Variants in ASTN2 observed in about 807,000 individuals in gnomAD.
The protein encoded by ASTN2 is astrotactin-2.
Under a neutral mutation model 139.8 loss-of-function variants are expected in ASTN2, and 54 were observed. The ratio of observed to expected loss-of-function variants is 0.39; its 90% CI spans 0.31 to 0.48. The LOEUF is 0.48. ASTN2 is among the 20% of genes least tolerant of loss of function. The probability of loss-of-function intolerance (pLI) is 0.95; values close to 1 mark genes in which losing one functional copy is unlikely to be tolerated. For missense variants in ASTN2, 1,565 were observed against 1,725.1 expected (o/e 0.91, Z 1.64); for synonymous variants, 756 against 719.5 (o/e 1.05, Z -0.81).
At position 116,756,251 on chromosome 9, in the gene ASTN2, C is replaced by T. The variant is rs199530543; in HGVS notation, c.2397-22728G>A. The stretch of plus-strand genomic sequence containing the variant: ...ATTTAAGCTACATTTCTAGGAACTC[C>T]GCAGAGAACAAGCTCTAGGGGCTCA... On this transcript the variant is annotated intron_variant, in intron 13 of 22. Transcript: ENST00000313400. 1.5e-4 allele frequency among the ~76,000 whole-genome samples: 23 copies of T among 152,222 alleles called. No individual in the cohort carries two copies. The East Asian group carries it at 2.9e-3, about 19-fold the overall frequency.
intron 10 of ASTN2, among the ~76,000 whole-genome samples, chr9:116,897,124 A>C (rs1188775415): frequency 1.3e-5 from 2 of 152,150 alleles, no homozygotes; most frequent in East Asian, 1.9e-4. Context: ...ACCTGCTCCC[A>C]AAAAAATAAC....
chr9:117,009,881 A>G (rs756370657), intron 6 of ASTN2, among the ~76,000 whole-genome samples: 1 of 152,128 alleles, frequency 6.6e-6, no homozygotes, highest in Non-Finnish European at 1.5e-5. Context: ...GGGAGGTGGG[A>G]TCACATCAGA....
chr9:116,567,142 C>T (rs1423070692), intron 19 of ASTN2, among the ~76,000 whole-genome samples: 4 of 152,214 alleles, frequency 2.6e-5, no homozygotes, highest in African/African-American at 9.6e-5. Flanking sequence ...CAACTTGGCT[C>T]TCTGTGGGAA....
chr9:116,477,379 C>T (rs1251142994), intron 20 of ASTN2, among the ~76,000 whole-genome samples: 1 of 152,022 alleles, frequency 6.6e-6, no homozygotes, highest in Non-Finnish European at 1.5e-5. Flanking sequence ...TTGCCCCCAT[C>T]CCCTAACCAA....
At chr9:116,477,481 T>C (rs1253496247) in intron 20 of ASTN2, among the ~76,000 whole-genome samples, 1 of 152,044 alleles carries the variant, frequency 6.6e-6, no homozygotes, top group Non-Finnish European at 1.5e-5. Flanking sequence ...TCCGAGACCC[T>C]TGGCCACACC....
intron 19 of ASTN2, among the ~76,000 whole-genome samples, chr9:116,544,606 T>C (rs1455413777): frequency 6.6e-6 from 1 of 152,190 alleles, no homozygotes; most frequent in Non-Finnish European, 1.5e-5. Context: ...CATATTTTTA[T>C]TCATGAGTTA....
intron 1 of ASTN2, among the ~76,000 whole-genome samples, chr9:117,312,986 C>T (rs930357556): frequency 1.3e-5 from 2 of 152,222 alleles, no homozygotes; most frequent in South Asian, 2.1e-4. Context: ...GTCTTGTTGA[C>T]ACCCATTTGT....
intron 13 of ASTN2, among the ~76,000 whole-genome samples, chr9:116,742,029 C>T (rs1829108707): frequency 6.6e-6 from 1 of 152,184 alleles, no homozygotes; most frequent in Admixed American, 6.5e-5. Context: ...TCTCTGTCCT[C>T]CAGTTACTCA....
At chr9:116,838,594 T>G (rs1216479321) in intron 11 of ASTN2, among the ~76,000 whole-genome samples, 1 of 149,954 alleles carries the variant, frequency 6.7e-6, no homozygotes, top group Non-Finnish European at 1.5e-5. Flanking sequence ...CAGCAATTTT[T>G]TTTTTTTTTT....
In ASTN2 at chr9:116,425,826, T is replaced by C. The variant is rs767975387; in HGVS notation, c.*25A>G. On this transcript the variant is annotated 3_prime_UTR_variant, in exon 23 of 23. Transcript: ENST00000313400. ...CTCCCCCTCCCATGGAGAGTCTCTG[T>C]GCTCACGGAGGGCAATACCCTCCCT... 1.2e-6 allele frequency: 2 copies of C among 1,613,948 alleles called. No homozygotes were observed. The highest frequency in any genetic ancestry group is 1.7e-6 in the Non-Finnish European group (2 of 1,179,930).
chr9:117,023,346 T>A (rs1172072201), intron 6 of ASTN2, among the ~76,000 whole-genome samples: 1 of 152,130 alleles, frequency 6.6e-6, no homozygotes, highest in Non-Finnish European at 1.5e-5. Flanking sequence ...GTCACCCAAA[T>A]GGTTTTGACT....
chr9:116,890,036 G>A (rs921261158), intron 10 of ASTN2, among the ~76,000 whole-genome samples: 1 of 152,218 alleles, frequency 6.6e-6, no homozygotes, highest in Non-Finnish European at 1.5e-5. Flanking sequence ...TAATGCTAAA[G>A]CTCATTTCAA....
intron 7 of ASTN2, among the ~76,000 whole-genome samples, chr9:116,997,739 T>C (rs184836031): frequency 1.3e-5 from 2 of 152,178 alleles, no homozygotes; most frequent in Non-Finnish European, 2.9e-5. Flanking sequence ...CAAAAATAAC[T>C]ACCTAGAAGT....
chr9:117,258,709 A>G (rs1833750769), intron 2 of ASTN2, among the ~76,000 whole-genome samples: 1 of 152,138 alleles, frequency 6.6e-6, no homozygotes, highest in Non-Finnish European at 1.5e-5. Context: ...CCACAGCCAC[A>G]ACAAACCACT....
chr9:117,181,262 C>A (rs533843701), intron 3 of ASTN2: 1 of 496,858 alleles, frequency 2.0e-6, no homozygotes, highest in South Asian at 2.5e-5. Flanking sequence ...GCTCACATAA[C>A]TATTTCAGAG....
chr9:117,096,298 G>A (rs1828839511), intron 4 of ASTN2, 147 bp from the exon 5 acceptor site: 2 of 652,710 alleles, frequency 3.1e-6, no homozygotes, highest in Non-Finnish European at 5.4e-6. Flanking sequence ...ATAAATGGAA[G>A]GAGTTCATGC....
At chr9:116,868,147 T>A (rs1833066306) in intron 10 of ASTN2, among the ~76,000 whole-genome samples, 1 of 152,150 alleles carries the variant, frequency 6.6e-6, no homozygotes, top group Non-Finnish European at 1.5e-5. Flanking sequence ...ACTACCAACA[T>A]CCTCTTCATT....
intron 3 of ASTN2, among the ~76,000 whole-genome samples, chr9:117,174,463 C>T (rs965331600): frequency 1.3e-5 from 2 of 151,906 alleles, no homozygotes; most frequent in African/African-American, 4.8e-5. Context: ...TAGACTTAAG[C>T]ATAAATTCTA....
intron 3 of ASTN2, among the ~76,000 whole-genome samples, chr9:117,206,728 C>T (rs1336412245): frequency 6.6e-6 from 1 of 152,158 alleles, no homozygotes; most frequent in Non-Finnish European, 1.5e-5. Context: ...GCCAGAGAAA[C>T]AGTATAACGG....
Sources: gnomAD v4.1 joint callset for allele counts (sites outside exome capture counted in the v4.1 genomes callset) on GRCh38, gnomAD v4.1.1 for gene constraint, MANE v1.5 for transcripts, NCBI Gene and HGNC (gene_info 2026-07-23, HGNC 2026-07-21) for gene names.